The following GABRG3 variants were observed in gnomAD, a reference collection of about 807,000 sequenced individuals.
The protein encoded by GABRG3 is gamma-aminobutyric acid type A receptor subunit gamma3.
GABRG3 carries 25 observed loss-of-function variants against 48.8 expected under a neutral mutation model. The ratio of observed to expected loss-of-function variants is 0.51; its 90% CI spans 0.37 to 0.72. GABRG3 has a LOEUF of 0.72. GABRG3 is among the 30% of genes least tolerant of loss of function. The pLI, the probability that GABRG3 is intolerant of heterozygous loss-of-function variation, is 0.00. For missense variants in GABRG3, 394 were observed against 577.9 expected (o/e 0.68, Z 3.26); for synonymous variants, 227 against 217.6 (o/e 1.04, Z -0.38).
At chr15:27,166,564 G>A (rs527886931) in intron 3 of GABRG3, among the ~76,000 whole-genome samples, 4 of 152,134 alleles carry the variant, frequency 2.6e-5, no homozygotes, top group Admixed American at 1.3e-4. Flanking sequence ...CATGAAGGCC[G>A]TGTGTGGAAT....
chr15:27,052,377 C>T (rs1896470755), intron 3 of GABRG3, among the ~76,000 whole-genome samples: 1 of 152,170 alleles, frequency 6.6e-6, no homozygotes. Context: ...TAGCCAGTGG[C>T]CAGTGGGGCC....
At chr15:27,135,124 G>GT (rs1404336354) in intron 3 of GABRG3, among the ~76,000 whole-genome samples, 1 of 152,140 alleles carries the variant, frequency 6.6e-6, no homozygotes, top group Non-Finnish European at 1.5e-5. Context: ...GCAAACATGT[G>GT]TTTTTAGCTA....
rs768156599 is a variant in GABRG3 at position 27,532,694 on chromosome 15, A to T, written c.1217A>T (p.Tyr406Phe). 1.2e-6 allele frequency: 2 copies of T among 1,614,000 alleles called. No homozygotes were observed. The highest frequency in any genetic ancestry group is 2.2e-5 in the South Asian group (2 of 91,076). ...YWQEFEDTCVYECLDGKDCQS... is the reference protein window; with the variant it reads ...YWQEFEDTCVFECLDGKDCQS... ...CAGGAATTTGAAGATACCTGTGTCT[A>T]TGAGTGTCTGGATGGCAAAGACTGT... The change falls in exon 10 of 10, where the codon TAT (tyrosine) becomes TTT (phenylalanine). Residue 406 changes from tyrosine (Y) to phenylalanine (F), a missense_variant. Tyr to Phe is a conservative substitution (Grantham distance 22, BLOSUM62 3). Coordinates refer to ENST00000615808, the MANE Select transcript of GABRG3 (RefSeq NM_033223.5).
intron 3 of GABRG3, among the ~76,000 whole-genome samples, chr15:27,232,080 CT>C (rs1889817870): frequency 6.6e-6 from 1 of 151,978 alleles, no homozygotes; most frequent in Non-Finnish European, 1.5e-5. Flanking sequence ...AGTAAAAATA[CT>C]TTTTTAATAT....
chr15:27,121,911 A>G (rs958149968), intron 3 of GABRG3, among the ~76,000 whole-genome samples: 3 of 152,216 alleles, frequency 2.0e-5, no homozygotes, highest in African/African-American at 7.2e-5. Flanking sequence ...CTAAACATCA[A>G]AACAGTGGAA....
At chr15:27,075,809 A>G (rs1896900572) in intron 3 of GABRG3, among the ~76,000 whole-genome samples, 1 of 152,172 alleles carries the variant, frequency 6.6e-6, no homozygotes, top group South Asian at 2.1e-4. Context: ...TGCTTGAAGG[A>G]CAAGTCCTCT....
At chr15:27,404,906 C>G (rs892497211) in intron 5 of GABRG3, among the ~76,000 whole-genome samples, 2 of 152,204 alleles carry the variant, frequency 1.3e-5, no homozygotes, top group African/African-American at 4.8e-5. Context: ...TCTTTCTGCT[C>G]TGTCATGCCC....
intron 5 of GABRG3, among the ~76,000 whole-genome samples, chr15:27,386,147 A>G (rs1486686088): frequency 2.6e-5 from 4 of 151,998 alleles, no homozygotes; most frequent in African/African-American, 4.8e-5. Context: ...GGTGTTTTCT[A>G]TCTTTTTAAG....
intron 5 of GABRG3, among the ~76,000 whole-genome samples, chr15:27,409,823 C>T (rs934779805): frequency 2.0e-5 from 3 of 152,020 alleles, no homozygotes; most frequent in Non-Finnish European, 4.4e-5. Context: ...CTCATTTGTT[C>T]TAGGAGTTAG....
chr15:27,388,640 C>T (rs1227195464), intron 5 of GABRG3, among the ~76,000 whole-genome samples: 20 of 152,082 alleles, frequency 1.3e-4, no homozygotes, highest in Admixed American at 1.3e-3. Context: ...AGATGATTGG[C>T]TGTGTTATCT....
chr15:27,153,152 C>T (rs966061045), intron 3 of GABRG3, among the ~76,000 whole-genome samples: 6 of 152,148 alleles, frequency 3.9e-5, no homozygotes, highest in Non-Finnish European at 2.9e-5. Flanking sequence ...TGAGCCACGG[C>T]GCCTGGCCTG....
At chr15:26,980,615 G>A (rs980069330) in intron 2 of GABRG3, among the ~76,000 whole-genome samples, 2 of 148,896 alleles carry the variant, frequency 1.3e-5, no homozygotes, top group Non-Finnish European at 3.0e-5. Context: ...GGAGGCAGAT[G>A]TTGCAGTGAG....
intron 3 of GABRG3, among the ~76,000 whole-genome samples, chr15:27,163,139 T>C (rs1425617664): frequency 6.6e-6 from 1 of 152,116 alleles, no homozygotes; most frequent in Non-Finnish European, 1.5e-5. Flanking sequence ...AGATGAACTC[T>C]GCTGAAATAC....
rs1269162116 is a variant in GABRG3, at chr15:26,975,744, T to C, written c.54-1258T>C. ...AGAAACTTATATCCCAGAGCACAAG[T>C]GTCCTGACATGACACTAACATTCTG... On this transcript the variant is annotated intron_variant, in intron 1 of 9. Coordinates refer to ENST00000615808, the MANE Select transcript of GABRG3 (RefSeq NM_033223.5). This position sits in a 1 kb window ranked among gnomAD's most constrained non-coding sequence, Gnocchi z 4.6. Among the ~76,000 whole-genome samples the C allele has an allele frequency of 6.6e-6, 1 of 152,206 alleles. No individual in the cohort carries two copies. Among genetic ancestry groups the C allele is most frequent in the Non-Finnish European group, 1.5e-5 (1 of 68,048 alleles).
In GABRG3 at chr15:26,976,623, A is replaced by AT. The variant is rs1440466671; in HGVS notation, c.54-378dup. The stretch of plus-strand genomic sequence containing the variant: ...GTGGAAACACCACGATGCAGTCACC[A>AT]TATAGAAAACCTCTAGAAGGTTTGT... On this transcript the variant is annotated intron_variant, in intron 1 of 9. Transcript: ENST00000615808. The surrounding 1 kb of genome is among the most constrained non-coding windows in gnomAD (Gnocchi z 7.8). Among the ~76,000 whole-genome samples the AT allele has an allele frequency of 9.8e-5, 15 of 152,296 alleles. No homozygotes were observed. The highest frequency in any genetic ancestry group is 2.1e-4 in the South Asian group (1 of 4,820).
chr15:27,352,210 A>C lies in GABRG3; in HGVS notation c.574+23322A>C, dbSNP rs1240095927. Among the ~76,000 whole-genome samples the C allele has an allele frequency of 1.3e-5, 2 of 151,574 alleles. No individual in the cohort carries two copies. The highest frequency in any genetic ancestry group is 2.4e-5 in the African/African-American group (1 of 41,206). On this transcript the variant is annotated intron_variant, in intron 5 of 9. Transcript: ENST00000615808. This position sits in a 1 kb window ranked among gnomAD's most constrained non-coding sequence, Gnocchi z 4.0. The stretch of plus-strand genomic sequence containing the variant: ...TGTGTGTATCTTGGATCCTTTTAAG[A>C]CTGCGTGGCAGTGTAGGGATTCTGC...
chr15:27,296,375 G>A (rs1891983682), intron 3 of GABRG3, among the ~76,000 whole-genome samples: 1 of 152,106 alleles, frequency 6.6e-6, no homozygotes, highest in Admixed American at 6.6e-5. Flanking sequence ...ACAAGGAAGT[G>A]GCTGGGAACA....
chr15:27,280,143 T>C (rs1891387919), intron 3 of GABRG3, among the ~76,000 whole-genome samples: 1 of 152,148 alleles, frequency 6.6e-6, no homozygotes, highest in East Asian at 1.9e-4. Context: ...TCTAATTTCA[T>C]TGATTTCTGC....
At chr15:27,164,250 C>T (rs1319737232) in intron 3 of GABRG3, among the ~76,000 whole-genome samples, 1 of 152,108 alleles carries the variant, frequency 6.6e-6, no homozygotes, top group African/African-American at 2.4e-5. Context: ...TTCTCTTTTG[C>T]CAATCCTTTG....
Sources: gnomAD v4.1 joint callset for allele counts (sites outside exome capture counted in the v4.1 genomes callset) on GRCh38, gnomAD v4.1.1 for gene constraint, Gnocchi (gnomAD v3.1) non-coding constraint, MANE v1.5 for transcripts, NCBI Gene and HGNC (gene_info 2026-07-23, HGNC 2026-07-21) for gene names.